The following DSCAM variants were observed in gnomAD, a reference collection of about 807,000 sequenced individuals.
DSCAM encodes DS cell adhesion molecule.
DSCAM carries 47 observed loss-of-function variants against 217.7 expected under a neutral mutation model. That is an observed-to-expected ratio of 0.22 (90% CI 0.17 to 0.28). The LOEUF (loss-of-function observed/expected upper bound fraction) is 0.28. DSCAM is among the 10% of genes least tolerant of loss of function. DSCAM has a pLI of 1.00. For synonymous variants in DSCAM, 1,056 were observed against 1,015.3 expected, an observed-to-expected ratio of 1.04 and a Z score of -0.76; for missense variants, 2,080 against 2,618.3, an observed-to-expected ratio of 0.79 and a Z score of 4.49.
chr21:40,338,015 T>C, intron 8 of DSCAM, 86 bp downstream of exon 8: 1 of 1,528,758 alleles, frequency 6.5e-7, no homozygotes, highest in Non-Finnish European at 8.9e-7. Context: ...TAAGCAGATC[T>C]TGGATTACCC....
intron 3 of DSCAM, among the ~76,000 whole-genome samples, chr21:40,509,117 G>T (rs1019759940): frequency 4.6e-5 from 7 of 151,930 alleles, no homozygotes; most frequent in Non-Finnish European, 7.4e-5. Context: ...TGTGCAGTTG[G>T]TTTTTTTCTC....
chr21:40,656,079 C>T (rs918990546), intron 3 of DSCAM, among the ~76,000 whole-genome samples: 1 of 152,068 alleles, frequency 6.6e-6, no homozygotes, highest in South Asian at 2.1e-4. Flanking sequence ...AAGCACTCAT[C>T]TCATCCATGG....
intron 10 of DSCAM, among the ~76,000 whole-genome samples, chr21:40,276,775 G>GTCTAGACAC (rs1343614208): frequency 6.6e-6 from 1 of 152,074 alleles, no homozygotes; most frequent in Non-Finnish European, 1.5e-5. Context: ...TTATATTCCG[G>GTCTAGACAC]TCTAGACACA....
chr21:40,256,529 A>G (rs1344839456), intron 11 of DSCAM, among the ~76,000 whole-genome samples: 1 of 152,116 alleles, frequency 6.6e-6, no homozygotes, highest in African/African-American at 2.4e-5. Flanking sequence ...GTAAGTCTAA[A>G]ATTTGCCGGG....
intron 11 of DSCAM, among the ~76,000 whole-genome samples, chr21:40,244,453 GAAA>G (rs76692462): frequency 3.0e-5 from 3 of 99,882 alleles, no homozygotes; most frequent in African/African-American, 3.6e-5. Context: ...TCCGTCTCCG[GAAA>G]AAAAAAAAAA....
rs200590493 is a variant in DSCAM at position 40,386,148 on chromosome 21, T to C, written c.509-16903A>G. Among the ~76,000 whole-genome samples the C allele has an allele frequency of 4.6e-5, 7 of 152,354 alleles. No homozygotes were observed. In the East Asian group the frequency reaches 1.3e-3, roughly 29 times the overall value. On this transcript the variant is annotated intron_variant, in intron 3 of 32. Transcript: ENST00000400454. ...TGCAGATCTTAACACTGTGCTTTTA[T>C]TTCATTTTTGCCTAGGCCCGCCTCA...
chr21:40,038,858 T>A (rs939608880), intron 32 of DSCAM, among the ~76,000 whole-genome samples: 1 of 151,538 alleles, frequency 6.6e-6, no homozygotes, highest in African/African-American at 2.4e-5. Flanking sequence ...TGAGTTCATG[T>A]CCTTTGTAGG....
At chr21:40,740,594 A>G (rs1358924774) in intron 1 of DSCAM, among the ~76,000 whole-genome samples, 2 of 152,218 alleles carry the variant, frequency 1.3e-5, no homozygotes. Flanking sequence ...TATTTCAAGA[A>G]TGTACAATTT....
At chr21:40,756,497 T>C (rs7278338) in intron 1 of DSCAM, among the ~76,000 whole-genome samples, 60,781 of 152,042 alleles carry the variant, frequency 0.4, 13,812 homozygotes, top group African/African-American at 0.63. Flanking sequence ...GTTCAAGTGA[T>C]TGTCCTGCCT....
chr21:40,230,148 A>AGTTTTCTTTTCTTGCAAT (rs1288632980), intron 11 of DSCAM, among the ~76,000 whole-genome samples: 4 of 152,216 alleles, frequency 2.6e-5, no homozygotes, highest in Admixed American at 2.6e-4. Flanking sequence ...AATGGTACAA[A>AGTTTTCTTTTCTTGCAAT]GTTTTCTTTT....
chr21:40,323,440 G>A (rs1174188766), intron 8 of DSCAM, among the ~76,000 whole-genome samples: 2 of 152,148 alleles, frequency 1.3e-5, no homozygotes, highest in East Asian at 1.9e-4. Flanking sequence ...TTAGTGCTGA[G>A]TTCTCTTTCA....
chr21:40,450,698 G>A (rs961532941), intron 3 of DSCAM, among the ~76,000 whole-genome samples: 15 of 152,306 alleles, frequency 9.8e-5, no homozygotes, highest in East Asian at 5.8e-4. Context: ...CAGGGTCTAT[G>A]TTACATATGA....
chr21:40,468,242 T>A (rs2075860828), intron 3 of DSCAM, among the ~76,000 whole-genome samples: 2 of 152,120 alleles, frequency 1.3e-5, no homozygotes, highest in South Asian at 4.2e-4. Context: ...CTCCTTTAAA[T>A]CCCCAAACCC....
At chr21:40,839,066 A>T (rs185229219) in intron 1 of DSCAM, among the ~76,000 whole-genome samples, 1 of 152,224 alleles carries the variant, frequency 6.6e-6, no homozygotes, top group Admixed American at 6.5e-5. Context: ...GATATATGCC[A>T]GACACACACA....
chr21:40,837,417 C>T (rs1317493691), intron 1 of DSCAM, among the ~76,000 whole-genome samples: 1 of 152,080 alleles, frequency 6.6e-6, no homozygotes, highest in East Asian at 1.9e-4. Flanking sequence ...AAAACAAATA[C>T]CTAGATCACC....
At chr21:40,796,064 C>T (rs1405595738) in intron 1 of DSCAM, among the ~76,000 whole-genome samples, 2 of 152,178 alleles carry the variant, frequency 1.3e-5, no homozygotes, top group African/African-American at 2.4e-5. Flanking sequence ...TCAAAACAAT[C>T]CTGTGAAAAT....
At chr21:40,298,283 A>G (rs1038459155) in intron 9 of DSCAM, among the ~76,000 whole-genome samples, 3 of 151,932 alleles carry the variant, frequency 2.0e-5, no homozygotes, top group Non-Finnish European at 4.4e-5. Context: ...GGGTTTTACC[A>G]TCTTGGCCAG....
chr21:40,658,852 C>T (rs1309957184), intron 3 of DSCAM, among the ~76,000 whole-genome samples: 2 of 152,120 alleles, frequency 1.3e-5, no homozygotes, highest in Non-Finnish European at 2.9e-5. Flanking sequence ...AATAAAGAAT[C>T]AAATAAAATC....
chr21:40,531,530 G>A lies in DSCAM; in HGVS notation c.508+161280C>T, dbSNP rs144910755. 2.8e-4 allele frequency among the ~76,000 whole-genome samples: 43 copies of A among 152,278 alleles called. 1 individual carries two copies. The East Asian group carries it at 3.1e-3, about 11-fold the overall frequency. On this transcript the variant is annotated intron_variant, in intron 3 of 32. Coordinates refer to ENST00000400454, the MANE Select transcript of DSCAM (RefSeq NM_001389.5). ...ATTTCCACCACTGGGCCCAGCTCCC[G>A]GCTCAGAGAGGCAGCTGCTCAGTGA...
Sources: gnomAD v4.1 joint callset for allele counts (sites outside exome capture counted in the v4.1 genomes callset) on GRCh38, gnomAD v4.1.1 for gene constraint, MANE v1.5 for transcripts, NCBI Gene and HGNC (gene_info 2026-07-23, HGNC 2026-07-21) for gene names.